The following MACF1 variants were observed in gnomAD, a reference collection of about 807,000 sequenced individuals.
MACF1 encodes the protein microtubule actin crosslinking factor 1.
MACF1 carries 193 observed loss-of-function variants against 854.8 expected under a neutral mutation model. That is an observed-to-expected ratio of 0.23 (90% CI 0.20 to 0.25). The LOEUF is 0.25. MACF1 is among the 10% of genes least tolerant of loss of function. The probability of loss-of-function intolerance (pLI) is 1.00; values close to 1 mark genes in which losing one functional copy is unlikely to be tolerated. For synonymous variants in MACF1, 3,185 were observed against 3,226.7 expected, an observed-to-expected ratio of 0.99 and a Z score of 0.44; for missense variants, 7,722 against 8,929.1, an observed-to-expected ratio of 0.86 and a Z score of 5.45.
chr1:39,428,640 G>A (rs1361166258), intron 63 of MACF1, among the ~76,000 whole-genome samples: 1 of 152,200 alleles, frequency 6.6e-6, no homozygotes, highest in South Asian at 2.1e-4. Flanking sequence ...AGATCTATCT[G>A]TGTAGTGCCC....
intron 26 of MACF1, among the ~76,000 whole-genome samples, chr1:39,313,226 T>C (rs1239169278): frequency 6.6e-6 from 1 of 152,232 alleles, no homozygotes; most frequent in African/African-American, 2.4e-5. Context: ...CCTTGGTATA[T>C]TAGTGTGTCA....
At chr1:39,233,634 T>C (rs181786749) in intron 2 of MACF1, among the ~76,000 whole-genome samples, 2 of 152,246 alleles carry the variant, frequency 1.3e-5, no homozygotes, top group East Asian at 1.9e-4. Context: ...GTTTAGTGGG[T>C]ACTGCAGGTG....
intron 61 of MACF1, 135 bp from the exon 62 acceptor site, chr1:39,427,320 A>G: frequency 3.0e-6 from 2 of 661,994 alleles, no homozygotes; most frequent in Non-Finnish European, 5.1e-6. Flanking sequence ...TCGAAATGCT[A>G]CATAACGTGT....
chr1:39,468,522 T>G lies in MACF1; in HGVS notation c.21772-93T>G, dbSNP rs183594139. On this transcript the variant is annotated intron_variant, in intron 95 of 100. Coordinates refer to ENST00000564288, the MANE Select transcript of MACF1 (RefSeq NM_001394062.1). ...AACAATTCTTCTGTAGCTATCAAAT[T>G]GTCATTCCTGTCTGAATACAGTCTG... 1.1e-5 allele frequency: 11 copies of G among 977,496 alleles called. No homozygotes were observed. The East Asian group carries it at 2.8e-4, about 24-fold the overall frequency. The allele number at this position is 977,496 out of a possible 1,614,324, so 60.6% of individuals were successfully genotyped here.
intron 57 of MACF1, among the ~76,000 whole-genome samples, chr1:39,386,620 C>T (rs575756528): frequency 2.0e-5 from 3 of 152,234 alleles, no homozygotes; most frequent in South Asian, 4.1e-4. Flanking sequence ...TTAATAGAGA[C>T]GGTGTTTCAC....
At chr1:39,464,909 CA>C (rs5773660) in intron 94 of MACF1, 185 bp from the exon 95 acceptor site, 228,722 of 452,310 alleles carry the variant, frequency 0.51, 25,764 homozygotes, top group Admixed American at 0.56. Flanking sequence ...GCGAGACTCT[CA>C]AAAAAAAAAA....
intron 52 of MACF1, among the ~76,000 whole-genome samples, chr1:39,375,199 CTG>C (rs1649609985): frequency 6.6e-6 from 1 of 152,116 alleles, no homozygotes; most frequent in Non-Finnish European, 1.5e-5. Context: ...TAGCATTTAT[CTG>C]TTATGAAATC....
chr1:39,348,896 T>G (rs1340641553), intron 41 of MACF1, among the ~76,000 whole-genome samples: 2 of 152,186 alleles, frequency 1.3e-5, no homozygotes, highest in Non-Finnish European at 2.9e-5. Flanking sequence ...TTGGGCACTT[T>G]CCTTCTCAAA....
At chr1:39,194,226 G>A (rs934643598) in intron 2 of MACF1, among the ~76,000 whole-genome samples, 3 of 151,996 alleles carry the variant, frequency 2.0e-5, no homozygotes, top group Non-Finnish European at 4.4e-5. Flanking sequence ...TTTCTTAAGG[G>A]TAAGACCTTC....
At chr1:39,321,521 G>A (rs547831809) in intron 31 of MACF1, among the ~76,000 whole-genome samples, 1 of 152,120 alleles carries the variant, frequency 6.6e-6, no homozygotes, top group Non-Finnish European at 1.5e-5. Context: ...ATAATCCCAG[G>A]CAGAGAAGAA....
intron 1 of MACF1, among the ~76,000 whole-genome samples, chr1:39,223,261 T>C (rs1557527005): frequency 6.6e-6 from 1 of 152,174 alleles, no homozygotes; most frequent in Non-Finnish European, 1.5e-5. Context: ...GAGTGGAAGG[T>C]AGGCATTCCA....
At chr1:39,422,269 C>T (rs1465733721) in intron 58 of MACF1, 105 bp from the exon 59 acceptor site, 5 of 808,658 alleles carry the variant, frequency 6.2e-6, no homozygotes, top group Non-Finnish European at 9.7e-6. Flanking sequence ...TATTCCTGGT[C>T]GTCTTTCATT....
chr1:39,161,733 G>A (rs1231834548), intron 2 of MACF1, among the ~76,000 whole-genome samples: 5 of 152,036 alleles, frequency 3.3e-5, no homozygotes, highest in African/African-American at 1.2e-4. Context: ...CAGGCGTGGT[G>A]GCGGGCGCCT....
intron 51 of MACF1, among the ~76,000 whole-genome samples, chr1:39,371,731 T>G (rs576520932): frequency 1.5e-4 from 23 of 152,088 alleles, no homozygotes; most frequent in Non-Finnish European, 5.9e-5. Flanking sequence ...AGCTCCTTAT[T>G]TATCCTCTAG....
At chr1:39,271,217 C>T (rs1257689947) in intron 6 of MACF1, among the ~76,000 whole-genome samples, 5 of 152,174 alleles carry the variant, frequency 3.3e-5, no homozygotes, top group Admixed American at 3.3e-4. Flanking sequence ...GCAGGCTGTA[C>T]AGAAAGCATG....
intron 1 of MACF1, among the ~76,000 whole-genome samples, chr1:39,217,506 C>T (rs1644591210): frequency 6.6e-6 from 1 of 151,810 alleles, no homozygotes; most frequent in Admixed American, 6.6e-5. Context: ...AGTTCCTGAC[C>T]TCAAGTGATC....
intron 1 of MACF1, among the ~76,000 whole-genome samples, chr1:39,212,397 C>T (rs1644527092): frequency 6.6e-6 from 1 of 151,992 alleles, no homozygotes; most frequent in Admixed American, 6.6e-5. Context: ...TGACCTTGTC[C>T]CCAAGACTCT....
At chr1:39,245,764 C>A (rs1439981352) in intron 2 of MACF1, among the ~76,000 whole-genome samples, 1 of 152,180 alleles carries the variant, frequency 6.6e-6, no homozygotes, top group Non-Finnish European at 1.5e-5. Context: ...TTTATTCATT[C>A]ATTCATTCAG....
chr1:39,263,771 CTTTTTTTTTT>C (rs11453750), intron 6 of MACF1, among the ~76,000 whole-genome samples: 1 of 100,166 alleles, frequency 1.0e-5, no homozygotes, highest in Non-Finnish European at 1.8e-5. Flanking sequence ...TTTCTTTTTT[CTTTTTTTTTT>C]TTTTTTTTTT....
Sources: allele counts gnomAD v4.1 joint callset (sites outside exome capture counted in the v4.1 genomes callset), GRCh38; gene constraint gnomAD v4.1.1; transcripts MANE v1.5; gene names NCBI Gene and HGNC (gene_info 2026-07-23, HGNC 2026-07-21).